FNBP1: variants seen among roughly 807,000 people sequenced by gnomAD.
FNBP1 encodes the protein formin binding protein 1.
FNBP1 carries 26 observed loss-of-function variants against 90.6 expected under a neutral mutation model. That is an observed-to-expected ratio of 0.29 (90% CI 0.21 to 0.40). The LOEUF (loss-of-function observed/expected upper bound fraction) is 0.40, where lower values mean the gene tolerates loss of function less well. FNBP1 is among the 10% of genes least tolerant of loss of function. The pLI, the probability that FNBP1 is intolerant of heterozygous loss-of-function variation, is 1.00. For synonymous variants in FNBP1, 260 were observed against 265.2 expected, an observed-to-expected ratio of 0.98 and a Z score of 0.19; for missense variants, 635 against 768.0, an observed-to-expected ratio of 0.83 and a Z score of 2.05.
chr9:129,969,122 T>G (rs1478472027), intron 4 of FNBP1, among the ~76,000 whole-genome samples: 2 of 152,190 alleles, frequency 1.3e-5, no homozygotes, highest in Admixed American at 6.5e-5. Context: ...GTAGTTCTTA[T>G]GGAGGAATAT....
chr9:129,910,292 C>T (rs778927346), intron 11 of FNBP1: 1 of 426,196 alleles, frequency 2.3e-6, no homozygotes, highest in African/African-American at 2.1e-5. Context: ...ACCAGCCTGG[C>T]CAACAATGTG....
intron 11 of FNBP1, among the ~76,000 whole-genome samples, chr9:129,911,213 C>T (rs1356743842): frequency 6.6e-6 from 1 of 152,150 alleles, no homozygotes; most frequent in African/African-American, 2.4e-5. Context: ...CCTCAGAAAA[C>T]AGAATCTCTC....
upstream of FNBP1, among the ~76,000 whole-genome samples, chr9:130,047,380 C>A (rs557542222): frequency 6.6e-6 from 1 of 152,002 alleles, no homozygotes; most frequent in African/African-American, 2.4e-5. Context: ...TTTGGGAGGC[C>A]GAGGAGGATG....
chr9:129,895,522 T>C (rs557297384), intron 16 of FNBP1: 1 of 1,207,694 alleles, frequency 8.3e-7, no homozygotes, highest in South Asian at 4.1e-5. Flanking sequence ...CAATGCAACT[T>C]TTTTTTTAAT....
At position 129,994,873 on chromosome 9, in the gene FNBP1, T is replaced by G; in HGVS notation, c.110A>C (p.Glu37Ala). Residue 37 changes from glutamate (E) to alanine (A), a missense_variant, in exon 2 of 17, where the codon GAG (glutamate) becomes GCG (alanine). Physicochemically the swap from Glu to Ala is moderately radical, Grantham distance 107. Coordinates refer to ENST00000446176, the MANE Select transcript of FNBP1 (RefSeq NM_015033.3). ...TTGCTTTGCATAGCTGAGTTCAATC[T>G]CTGTCCTTTCTTTCACAAACTTGAT... ...KYIKFVKERTEIELSYAKQLR... is the reference protein window; with the variant it reads ...KYIKFVKERTAIELSYAKQLR... 6.2e-7 allele frequency: 1 copy of G among 1,604,292 alleles called. No homozygotes were observed. Among genetic ancestry groups the G allele is most frequent in the Non-Finnish European group, 8.5e-7 (1 of 1,172,802 alleles).
intron 10 of FNBP1, 172 bp from the exon 11 acceptor site, chr9:129,916,152 A>G: frequency 1.7e-6 from 1 of 594,736 alleles, no homozygotes; most frequent in Non-Finnish European, 3.0e-6. Flanking sequence ...AGATCTGTGC[A>G]AAAGTTCACA....
upstream of FNBP1, among the ~76,000 whole-genome samples, chr9:130,045,423 A>G (rs367738510): frequency 3.9e-5 from 6 of 152,356 alleles, no homozygotes; most frequent in African/African-American, 1.4e-4. Context: ...AATCTTGACC[A>G]AGTTATTGGA....
intron 1 of FNBP1, among the ~76,000 whole-genome samples, chr9:130,016,544 C>A (rs944460290): frequency 6.6e-6 from 1 of 152,102 alleles, no homozygotes; most frequent in South Asian, 2.1e-4. Context: ...GGGAGTTCAA[C>A]ACCAGCCTGA....
intron 2 of FNBP1, among the ~76,000 whole-genome samples, chr9:129,985,551 G>T (rs1196464634): frequency 6.6e-6 from 1 of 152,190 alleles, no homozygotes. Context: ...GCCAGGGGTG[G>T]TGGCCTGTAA....
At chr9:129,898,878 C>G (rs2036313584) in intron 15 of FNBP1, among the ~76,000 whole-genome samples, 1 of 151,966 alleles carries the variant, frequency 6.6e-6, no homozygotes, top group African/African-American at 2.4e-5. Context: ...TGGGCCTTTA[C>G]AAGACAGGAG....
chr9:129,930,021 C>G (rs534015803), intron 6 of FNBP1, among the ~76,000 whole-genome samples: 1 of 151,364 alleles, frequency 6.6e-6, no homozygotes, highest in Non-Finnish European at 1.5e-5. Context: ...ATCTCATATA[C>G]ACATTTTTTT....
At chr9:129,919,015 C>A in intron 10 of FNBP1, 1 of 140,388 alleles carries the variant, frequency 7.1e-6, no homozygotes, top group Non-Finnish European at 1.5e-5. Flanking sequence ...TTTTTTTTTC[C>A]TGGTGTCCAG....
chr9:129,951,494 T>C (rs1176486007), intron 6 of FNBP1, among the ~76,000 whole-genome samples: 2 of 152,026 alleles, frequency 1.3e-5, no homozygotes, highest in African/African-American at 2.4e-5. Flanking sequence ...TAGGCTGGAG[T>C]GCAGTGGTGC....
chr9:129,937,458 C>T (rs766620148), intron 6 of FNBP1, among the ~76,000 whole-genome samples: 1 of 152,008 alleles, frequency 6.6e-6, no homozygotes, highest in Non-Finnish European at 1.5e-5. Flanking sequence ...GTTGGCCGGG[C>T]GCAGTGGTTC....
rs1318912597 is a variant in FNBP1 at position 129,889,853 on chromosome 9, C to A, written c.*686G>T. On this transcript the variant is annotated 3_prime_UTR_variant, in exon 17 of 17. Transcript: ENST00000446176. ...AGGCCACTGAAAACAGGGCGTCAAA[C>A]CAAAATGTGTGTATGCGCACGCGTG... is the stretch of plus-strand genomic sequence containing the variant. 1.3e-5 allele frequency: 3 copies of A among 233,174 alleles called. No homozygotes were observed. The highest frequency in any genetic ancestry group is 6.6e-5 in the African/African-American group (3 of 45,312). The allele number at this position is 233,174 out of a possible 1,614,324, so 14.4% of individuals were successfully genotyped here.
intron 6 of FNBP1, among the ~76,000 whole-genome samples, chr9:129,951,022 A>T (rs1201936626): frequency 7.1e-6 from 1 of 141,346 alleles, no homozygotes; most frequent in African/African-American, 2.7e-5. Flanking sequence ...CCCAGGCTGG[A>T]GTGCAGCCGT....
intron 1 of FNBP1, among the ~76,000 whole-genome samples, chr9:130,027,151 G>A (rs1413419457): frequency 6.6e-6 from 1 of 152,128 alleles, no homozygotes; most frequent in South Asian, 2.1e-4. Context: ...TGGTTATGTG[G>A]TTATGACAAT....
chr9:129,906,172 C>T (rs997047522), intron 12 of FNBP1, among the ~76,000 whole-genome samples: 9 of 152,112 alleles, frequency 5.9e-5, no homozygotes, highest in South Asian at 2.1e-4. Context: ...CATGAGCCAC[C>T]GCGCCTGGCC....
rs754945482 is a variant in FNBP1 at position 129,929,655 on chromosome 9, T to C, written c.554A>G (p.Asp185Gly). ...AATGGATGAGTAATCTGCTTTGCTG[T>C]CCTCTGCCATTTGGTGACGTATTTG... ...QAQIRHQMAE[D>G]SKADYSSILQ... is the part of the protein sequence containing the mutation. Residue 185 changes from aspartate to glycine, a missense_variant, in exon 7 of 17, where the codon GAC becomes GGC. Coordinates refer to ENST00000446176, the MANE Select transcript of FNBP1 (RefSeq NM_015033.3). 30 of 1,613,990 alleles carry C rather than the reference T, an allele frequency of 1.9e-5. No individual in the cohort carries two copies. Among genetic ancestry groups the C allele is most frequent in the Non-Finnish European group, 2.5e-5 (30 of 1,179,860 alleles).
Sources: gnomAD v4.1 joint callset for allele counts (sites outside exome capture counted in the v4.1 genomes callset) on GRCh38, gnomAD v4.1.1 for gene constraint, MANE v1.5 for transcripts, NCBI Gene and HGNC (gene_info 2026-07-23, HGNC 2026-07-21) for gene names.